The following ANK3 variants were observed in gnomAD, a reference collection of about 807,000 sequenced individuals.
ANK3 encodes the protein ankyrin-3.
In ANK3, 57 loss-of-function variants were observed where a neutral mutation model predicts 370.9. That is an observed-to-expected ratio of 0.15 (90% CI 0.12 to 0.19). ANK3 has a LOEUF of 0.19. Ranked by LOEUF, ANK3 falls within the 10% of genes least tolerant of loss-of-function variation. The pLI is 1.00. For missense variants in ANK3, 4,439 were observed against 5,302.1 expected, an observed-to-expected ratio of 0.84 and a Z score of 5.06; for synonymous variants, 1,929 against 1,946.3, an observed-to-expected ratio of 0.99 and a Z score of 0.23.
chr10:60,382,803 A>C (rs745835516), intron 1 of ANK3, among the ~76,000 whole-genome samples: 17 of 125,424 alleles, frequency 1.4e-4, no homozygotes, highest in Admixed American at 2.8e-4. Context: ...AAATCTATAT[A>C]TATATATATA....
intron 8 of ANK3, among the ~76,000 whole-genome samples, chr10:60,229,799 A>G (rs1272330276): frequency 6.6e-6 from 1 of 152,224 alleles, no homozygotes; most frequent in Non-Finnish European, 1.5e-5. Context: ...ATATTCAGCA[A>G]ACACTTATTA....
intron 2 of ANK3, among the ~76,000 whole-genome samples, chr10:60,577,326 C>T (rs2133274787): frequency 6.6e-6 from 1 of 152,220 alleles, no homozygotes; most frequent in East Asian, 1.9e-4. Context: ...AAAAGATTTA[C>T]AAATACTAAA....
intron 1 of ANK3, among the ~76,000 whole-genome samples, chr10:60,279,874 T>G (rs977357945): frequency 1.3e-5 from 2 of 152,178 alleles, no homozygotes; most frequent in African/African-American, 2.4e-5. Flanking sequence ...AATTGAGAGA[T>G]AAAATTTCCT....
rs767104325 is a variant in ANK3 at position 60,263,880 on chromosome 10, G to A, written c.654C>T (p.Ala218=). ...TGTTGTCATTCTGCAGCAGCAGGGC[G>A]GCGGCTTTCGTGTCGTCTTTTCGGG... The part of the protein sequence containing the change: ...IAARKDDTKA[A]ALLLQNDNNA... The change falls in exon 6 of 44, where the codon GCC becomes GCT. Residue 218 remains alanine (A), a synonymous_variant. Coordinates refer to ENST00000280772, the MANE Select transcript of ANK3 (RefSeq NM_020987.5). 5.6e-5 allele frequency: 91 copies of A among 1,613,976 alleles called. 1 individual carries two copies. The highest frequency in any genetic ancestry group is 4.5e-4 in the East Asian group (20 of 44,886).
chr10:60,607,018 G>A (rs1273132332), intron 2 of ANK3, among the ~76,000 whole-genome samples: 1 of 152,096 alleles, frequency 6.6e-6, no homozygotes, highest in East Asian at 1.9e-4. Flanking sequence ...GAAATGAGAG[G>A]GCTTAAACCT....
intron 16 of ANK3, among the ~76,000 whole-genome samples, chr10:60,195,241 A>G (rs879767054): frequency 1.3e-5 from 2 of 151,986 alleles, no homozygotes; most frequent in Non-Finnish European, 2.9e-5. Context: ...AAAATTGGCC[A>G]GGTGTGGTGG....
chr10:60,142,708 C>T (rs886154794), intron 23 of ANK3, among the ~76,000 whole-genome samples: 7 of 152,056 alleles, frequency 4.6e-5, no homozygotes, highest in African/African-American at 1.7e-4. Context: ...GAGTTGTCAA[C>T]ACACTTGGCC....
At chr10:60,187,001 T>A in intron 16 of ANK3, 89 bp from the exon 17 acceptor site, 1 of 1,265,008 alleles carries the variant, frequency 7.9e-7, no homozygotes, top group Non-Finnish European at 1.1e-6. Flanking sequence ...CTCTTTCTAG[T>A]GGTTTTCTAT....
chr10:60,200,225 T>G lies in ANK3; in HGVS notation c.1395A>C (p.Arg465Ser). 6.2e-7 allele frequency: 1 copy of G among 1,613,510 alleles called. No individual in the cohort carries two copies. The highest frequency in any genetic ancestry group is 8.5e-7 in the Non-Finnish European group (1 of 1,179,458). The part of the protein sequence containing the change: ...HGASPNTTNV[R>S]GETALHMAAR... ...CTGCCATGTGCAGTGCTGTTTCTCCTCTCTGGGGAACATGAGCCAAAGTAA... is the reference window on the plus strand; with the variant it reads ...CTGCCATGTGCAGTGCTGTTTCTCCGCTCTGGGGAACATGAGCCAAAGTAA... Residue 465 changes from arginine to serine, a missense_variant and splice_region_variant, in exon 13 of 44, where the codon AGA (arginine) becomes AGC (serine). Around this residue, in one of 13 missense-constraint regions of ANK3, gnomAD observed 227 missense variants for 377.6 expected, o/e 0.60. Transcript: ENST00000280772.
At chr10:60,590,866 A>G (rs1183428686) in intron 2 of ANK3, among the ~76,000 whole-genome samples, 1 of 152,066 alleles carries the variant, frequency 6.6e-6, no homozygotes, top group Non-Finnish European at 1.5e-5. Context: ...TTATTGTTGT[A>G]TTGTTATTTT....
At chr10:60,248,861 T>G (rs1237550951) in intron 7 of ANK3, among the ~76,000 whole-genome samples, 1 of 152,216 alleles carries the variant, frequency 6.6e-6, no homozygotes, top group East Asian at 1.9e-4. Flanking sequence ...ATAGTGAGTC[T>G]CTTCCTAACT....
intron 1 of ANK3, among the ~76,000 whole-genome samples, chr10:60,388,540 CA>C (rs1244364173): frequency 6.6e-6 from 1 of 152,126 alleles, no homozygotes; most frequent in African/African-American, 2.4e-5. Flanking sequence ...TATTAATTAT[CA>C]TGGAGGAAAA....
At chr10:60,114,578 A>G (rs2092952136) in intron 25 of ANK3, among the ~76,000 whole-genome samples, 1 of 152,262 alleles carries the variant, frequency 6.6e-6, no homozygotes, top group Non-Finnish European at 1.5e-5. Flanking sequence ...CATGGCAAAG[A>G]AATATCACAT....
At chr10:60,324,470 G>A (rs750832985) in intron 1 of ANK3, among the ~76,000 whole-genome samples, 1 of 152,154 alleles carries the variant, frequency 6.6e-6, no homozygotes, top group Non-Finnish European at 1.5e-5. Context: ...CAGTGACAGT[G>A]TCCCTTTATT....
At chr10:60,490,571 A>G (rs946299326) in intron 2 of ANK3, among the ~76,000 whole-genome samples, 8 of 152,206 alleles carry the variant, frequency 5.3e-5, no homozygotes, top group African/African-American at 1.9e-4. Context: ...TGACTGTTCT[A>G]AAGCTAGTCC....
At chr10:60,707,785 G>C (rs2079640951) in intron 1 of ANK3, among the ~76,000 whole-genome samples, 11 of 151,890 alleles carry the variant, frequency 7.2e-5, no homozygotes, top group Admixed American at 7.2e-4. Flanking sequence ...CATTCCAGAA[G>C]TTTTATTGCT....
intron 1 of ANK3, among the ~76,000 whole-genome samples, chr10:60,678,732 G>A (rs1203688748): frequency 1.3e-5 from 2 of 152,158 alleles, no homozygotes; most frequent in Non-Finnish European, 2.9e-5. Context: ...AAAATAAGCA[G>A]ATGACTAAGA....
At chr10:60,580,664 G>A (rs2077738395) in intron 2 of ANK3, among the ~76,000 whole-genome samples, 1 of 152,014 alleles carries the variant, frequency 6.6e-6, no homozygotes, top group African/African-American at 2.4e-5. Context: ...TTTAACTCTT[G>A]TAACATAGTG....
chr10:60,424,282 T>C (rs375373513), intron 2 of ANK3, among the ~76,000 whole-genome samples: 61 of 152,162 alleles, frequency 4.0e-4, no homozygotes, highest in Non-Finnish European at 3.7e-4. Flanking sequence ...ATCACTCTCA[T>C]TATACTGAGA....
Sources: gnomAD v4.1 joint callset for allele counts (sites outside exome capture counted in the v4.1 genomes callset) on GRCh38, gnomAD v4.1.1 for gene constraint, gnomAD v4.1.1 regional missense constraint, MANE v1.5 for transcripts, NCBI Gene and HGNC (gene_info 2026-07-23, HGNC 2026-07-21) for gene names.